TMEM62: variants seen among roughly 807,000 people sequenced by gnomAD.
The protein encoded by TMEM62 is transmembrane protein 62.
A neutral mutation model predicts 70.4 loss-of-function variants in TMEM62; 41 were observed. The observed-to-expected ratio is 0.58, with a 90% CI of 0.45 to 0.76. The LOEUF (loss-of-function observed/expected upper bound fraction) is 0.76, where lower values mean the gene tolerates loss of function less well. TMEM62 is among the 30% of genes least tolerant of loss of function. The pLI is 0.00. For missense variants in TMEM62, 688 were observed against 788.5 expected, an observed-to-expected ratio of 0.87 and a Z score of 1.53; for synonymous variants, 268 against 291.0, an observed-to-expected ratio of 0.92 and a Z score of 0.80.
At chr15:43,142,343 T>G (rs1326967169) in intron 4 of TMEM62, among the ~76,000 whole-genome samples, 4 of 151,834 alleles carry the variant, frequency 2.6e-5, no homozygotes, top group Non-Finnish European at 4.4e-5. Flanking sequence ...TTTTTATATT[T>G]TAGTAGAGAC....
At chr15:43,164,390 A>G (rs1026798845) in intron 10 of TMEM62, among the ~76,000 whole-genome samples, 1 of 151,210 alleles carries the variant, frequency 6.6e-6, no homozygotes, top group African/African-American at 2.4e-5. Flanking sequence ...ATTCTATATT[A>G]GGCTGTATAT....
intron 3 of TMEM62, among the ~76,000 whole-genome samples, chr15:43,136,924 G>GT (rs555479077): frequency 1.6e-4 from 24 of 151,090 alleles, no homozygotes; most frequent in East Asian, 9.7e-4. Flanking sequence ...AATTTTTGAA[G>GT]TTTTTTTTTG....
At chr15:43,174,345 TA>T (rs2040518511) in intron 11 of TMEM62, among the ~76,000 whole-genome samples, 1 of 152,238 alleles carries the variant, frequency 6.6e-6, no homozygotes, top group African/African-American at 2.4e-5. Context: ...TAGTAATGAT[TA>T]AACAGTAACA....
chr15:43,134,691 A>T (rs1396409403), intron 2 of TMEM62, among the ~76,000 whole-genome samples: 1 of 152,072 alleles, frequency 6.6e-6, no homozygotes, highest in African/African-American at 2.4e-5. Flanking sequence ...TGGTTGTGAG[A>T]ATTAGGGAAA....
At position 43,133,794 on chromosome 15, in the gene TMEM62, G is replaced by T; in HGVS notation, c.-9G>T. On this transcript the variant is annotated 5_prime_UTR_variant, in exon 1 of 14. Coordinates refer to ENST00000260403, the MANE Select transcript of TMEM62 (RefSeq NM_024956.4). ...ATCAGCGAGGGCCGCGCCCCGGCGGGCGGGCGGCATGGCTGCAGTGCTGGC... is the reference window on the plus strand; with the variant it reads ...ATCAGCGAGGGCCGCGCCCCGGCGGTCGGGCGGCATGGCTGCAGTGCTGGC... 7.3e-7 allele frequency: 1 copy of T among 1,361,716 alleles called. No homozygotes were observed. Among genetic ancestry groups the T allele is most frequent in the South Asian group, 1.8e-5 (1 of 54,638 alleles). The allele number at this position is 1,361,716 out of a possible 1,614,324, so 84.4% of individuals were successfully genotyped here.
intron 10 of TMEM62, among the ~76,000 whole-genome samples, chr15:43,167,902 A>C (rs1362989437): frequency 2.0e-5 from 3 of 152,038 alleles, no homozygotes; most frequent in Admixed American, 2.0e-4. Flanking sequence ...CTGGCGGATC[A>C]CTCATGGTTA....
chr15:43,156,417 G>C (rs1391158188), intron 9 of TMEM62, among the ~76,000 whole-genome samples: 2 of 152,128 alleles, frequency 1.3e-5, no homozygotes, highest in Non-Finnish European at 2.9e-5. Context: ...AAAACTTACA[G>C]CAGAAGTAGA....
rs758036233 is a variant in TMEM62 at position 43,184,264 on chromosome 15, C to T, written c.1610C>T (p.Ala537Val). The T allele has an allele frequency of 1.9e-5, 30 of 1,610,034 alleles. No homozygotes were observed. The highest frequency in any genetic ancestry group is 8.8e-5 in the South Asian group (8 of 90,576). ...ITFIIGILQLAFFNIPLMAYM... is the reference protein window; with the variant it reads ...ITFIIGILQLVFFNIPLMAYM... ...TATGGTTCTGTTCTTTTCCAGCTGG[C>T]GTTTTTTAACATCCCCTTGATGGCT... The change falls in exon 14 of 14, where the codon GCG (alanine) becomes GTG (valine). Residue 537 changes from alanine to valine, a missense_variant. By Grantham distance (64) the Ala-to-Val change is moderately conservative (BLOSUM62 0). Coordinates refer to ENST00000260403, the MANE Select transcript of TMEM62 (RefSeq NM_024956.4).
chr15:43,162,585 C>A (rs905443333), intron 10 of TMEM62, among the ~76,000 whole-genome samples: 1 of 151,990 alleles, frequency 6.6e-6, no homozygotes, highest in Non-Finnish European at 1.5e-5. Context: ...GCGCCCACCA[C>A]CATGCCCGGC....
intron 11 of TMEM62, among the ~76,000 whole-genome samples, chr15:43,175,745 G>A (rs2040657368): frequency 6.6e-6 from 1 of 152,232 alleles, no homozygotes; most frequent in Non-Finnish European, 1.5e-5. Flanking sequence ...ACACCTCCCA[G>A]CGTGAGTGAC....
intron 2 of TMEM62, among the ~76,000 whole-genome samples, chr15:43,134,610 C>T (rs1453017717): frequency 6.6e-6 from 1 of 152,168 alleles, no homozygotes; most frequent in Non-Finnish European, 1.5e-5. Context: ...AAGCAAGGCT[C>T]CTGGTTCTCA....
At chr15:43,143,308 T>A (rs960042311) in intron 4 of TMEM62, among the ~76,000 whole-genome samples, 1 of 152,202 alleles carries the variant, frequency 6.6e-6, no homozygotes, top group African/African-American at 2.4e-5. Flanking sequence ...GTGATCTGCC[T>A]GCCTTGGCCT....
chr15:43,136,751 CTGG>C (rs2035278975), intron 3 of TMEM62, among the ~76,000 whole-genome samples: 1 of 151,964 alleles, frequency 6.6e-6, no homozygotes, highest in Non-Finnish European at 1.5e-5. Flanking sequence ...GCCACCACGC[CTGG>C]CTTATTATTA....
intron 3 of TMEM62, 91 bp downstream of exon 3, chr15:43,135,740 A>C: frequency 7.0e-7 from 1 of 1,431,552 alleles, no homozygotes; most frequent in Non-Finnish European, 9.3e-7. Flanking sequence ...AAAATTATAA[A>C]GTGGGACATT....
At chr15:43,158,949 C>T (rs962767964) in intron 9 of TMEM62, among the ~76,000 whole-genome samples, 5 of 152,164 alleles carry the variant, frequency 3.3e-5, no homozygotes, top group African/African-American at 1.2e-4. Flanking sequence ...TCAAATTGTT[C>T]CACCTTTGGC....
chr15:43,146,651 A>G lies in TMEM62; in HGVS notation c.618+17A>G, dbSNP rs767792032. ...TTAGATAAGGTGCAGTAAAAATCTT[A>G]CTTCCCTTTGTAGCTTACTTATTTT... On this transcript the variant is annotated intron_variant, in intron 5 of 13. Coordinates refer to ENST00000260403, the MANE Select transcript of TMEM62 (RefSeq NM_024956.4). 7 of 1,597,282 alleles carry G rather than the reference A, an allele frequency of 4.4e-6. No individual in the cohort carries two copies. The Admixed American group carries it at 1.1e-4, about 24-fold the overall frequency.
At chr15:43,144,290 C>T (rs1057045125) in intron 4 of TMEM62, among the ~76,000 whole-genome samples, 9 of 152,084 alleles carry the variant, frequency 5.9e-5, no homozygotes, top group Admixed American at 1.3e-4. Context: ...CTGGTGTCAC[C>T]AGAATTAACA....
At chr15:43,138,539 G>C (rs746044141) in intron 3 of TMEM62, 35 bp from the exon 4 acceptor site, 7 of 1,478,004 alleles carry the variant, frequency 4.7e-6, no homozygotes, top group Non-Finnish European at 4.7e-6. Context: ...TTTTAATGTG[G>C]ATGAATGTTT....
chr15:43,169,027 T>G (rs1430666494), intron 10 of TMEM62: 3 of 152,510 alleles, frequency 2.0e-5, no homozygotes, highest in Non-Finnish European at 4.4e-5. Flanking sequence ...TCACAGTCAT[T>G]TTGCTCTCTC....
Sources: allele counts gnomAD v4.1 joint callset (sites outside exome capture counted in the v4.1 genomes callset), GRCh38; gene constraint gnomAD v4.1.1; transcripts MANE v1.5; gene names NCBI Gene and HGNC (gene_info 2026-07-23, HGNC 2026-07-21).